The following ATRN variants were observed in gnomAD, a reference collection of about 807,000 sequenced individuals.
ATRN encodes the protein attractin.
In ATRN, 54 loss-of-function variants were observed where a neutral mutation model predicts 178.7. The ratio of observed to expected loss-of-function variants is 0.30; its 90% CI spans 0.24 to 0.38. The LOEUF is 0.38. Among genes scored for constraint, ATRN ranks in the 10% least tolerant of loss-of-function variants. The pLI is 1.00. For synonymous variants in ATRN, 636 were observed against 663.0 expected, an observed-to-expected ratio of 0.96 and a Z score of 0.63; for missense variants, 1,443 against 1,815.1, an observed-to-expected ratio of 0.79 and a Z score of 3.73.
At chr20:3,487,697 G>C (rs982904549) in intron 1 of ATRN, among the ~76,000 whole-genome samples, 62 of 152,136 alleles carry the variant, frequency 4.1e-4, no homozygotes, top group East Asian at 5.8e-4. Context: ...ATATCTTTGG[G>C]GGTATTCTGA....
At chr20:3,557,338 T>C (rs1057088286) in intron 6 of ATRN, among the ~76,000 whole-genome samples, 2 of 152,190 alleles carry the variant, frequency 1.3e-5, no homozygotes, top group African/African-American at 4.8e-5. Context: ...GGAAATAAGC[T>C]GGCCACAGAC....
chr20:3,540,439 C>A, intron 3 of ATRN, 104 bp downstream of exon 3: 2 of 707,182 alleles, frequency 2.8e-6, no homozygotes, highest in Middle Eastern at 2.5e-4. Flanking sequence ...TCACTTAACA[C>A]ATTTATTTAA....
At chr20:3,581,579 A>C (rs1011499797) in intron 15 of ATRN, among the ~76,000 whole-genome samples, 3 of 152,218 alleles carry the variant, frequency 2.0e-5, no homozygotes, top group Non-Finnish European at 4.4e-5. Context: ...AAGCATCCCT[A>C]ATCTGGAAAT....
chr20:3,491,973 A>G (rs886673474), intron 1 of ATRN, among the ~76,000 whole-genome samples: 4 of 152,050 alleles, frequency 2.6e-5, no homozygotes, highest in African/African-American at 7.2e-5. Context: ...TATCTTGCCC[A>G]TTGCCTTTTC....
chr20:3,540,306 A>G lies in ATRN; in HGVS notation c.579A>G (p.Ser193=), dbSNP rs1237700855. Residue 193 remains serine, a synonymous_variant, in exon 3 of 29, where the codon TCA becomes TCG. Transcript: ENST00000262919. ...ATTTATATGTTTATGATGGGGACTC[A>G]ATTTATGCACCGCTAGTTGCTGCAT... is the stretch of plus-strand genomic sequence containing the variant. ...WDHLYVYDGD[S]IYAPLVAAFS... is the part of the protein sequence containing the mutation. 1 of 1,609,390 alleles carries G rather than the reference A, an allele frequency of 6.2e-7. No homozygotes were observed. The highest frequency in any genetic ancestry group is 1.7e-5 in the Admixed American group (1 of 59,586).
At chr20:3,601,136 T>C (rs990874792) in intron 23 of ATRN, 112 bp downstream of exon 23, 1 of 856,082 alleles carries the variant, frequency 1.2e-6, no homozygotes, top group Non-Finnish European at 1.9e-6. Context: ...AAACCCACCC[T>C]TGCCACTTAC....
intron 25 of ATRN, among the ~76,000 whole-genome samples, chr20:3,624,796 C>CG (rs756171558): frequency 6.6e-6 from 1 of 152,264 alleles, no homozygotes; most frequent in South Asian, 2.1e-4. Flanking sequence ...TGGCTTCCAG[C>CG]GGGGGGCTTT....
chr20:3,619,883 T>C (rs545279020), intron 24 of ATRN, among the ~76,000 whole-genome samples: 6 of 152,316 alleles, frequency 3.9e-5, no homozygotes, highest in African/African-American at 1.4e-4. Flanking sequence ...CTCACTCTTG[T>C]GTGGCACAGG....
chr20:3,623,240 C>T (rs905388526), intron 24 of ATRN, among the ~76,000 whole-genome samples: 1 of 152,136 alleles, frequency 6.6e-6, no homozygotes, highest in Non-Finnish European at 1.5e-5. Flanking sequence ...CTTTCCTTCT[C>T]TCAAGGAGCT....
intron 25 of ATRN, among the ~76,000 whole-genome samples, chr20:3,630,916 C>CTTTTTTTTTTTT (rs368394749): frequency 1.4e-4 from 6 of 43,426 alleles, no homozygotes; most frequent in Admixed American, 6.6e-4. Flanking sequence ...ATTTATTTAG[C>CTTTTTTTTTTTT]TTTTTTTTTT....
chr20:3,581,704 G>A (rs1012197827), intron 15 of ATRN, among the ~76,000 whole-genome samples: 2 of 152,060 alleles, frequency 1.3e-5, no homozygotes, highest in East Asian at 1.9e-4. Flanking sequence ...TGTGTTTGGG[G>A]GTAGCCATCT....
At chr20:3,585,108 G>A (rs1045972302) in intron 18 of ATRN, among the ~76,000 whole-genome samples, 2 of 152,210 alleles carry the variant, frequency 1.3e-5, no homozygotes, top group African/African-American at 4.8e-5. Flanking sequence ...ATTGGCCTTT[G>A]ATTCAGACTT....
chr20:3,556,967 C>T (rs917827836), intron 6 of ATRN, among the ~76,000 whole-genome samples: 3 of 152,148 alleles, frequency 2.0e-5, no homozygotes, highest in Admixed American at 6.5e-5. Flanking sequence ...GGGCACTCTC[C>T]GTGCCCTTTA....
intron 21 of ATRN, 118 bp from the exon 22 acceptor site, chr20:3,597,788 C>G: frequency 1.6e-6 from 1 of 609,690 alleles, no homozygotes; most frequent in South Asian, 2.3e-5. Context: ...CTGGGTACAG[C>G]TGAGTTAAAG....
chr20:3,481,257 GCTTTT>G (rs904224023), intron 1 of ATRN, among the ~76,000 whole-genome samples: 27 of 151,872 alleles, frequency 1.8e-4, no homozygotes, highest in African/African-American at 6.5e-4. Context: ...CTCTTTAACT[GCTTTT>G]CTTTTATCAC....
At chr20:3,541,603 A>G (rs1333679372) in intron 3 of ATRN, among the ~76,000 whole-genome samples, 6 of 152,198 alleles carry the variant, frequency 3.9e-5, no homozygotes, top group South Asian at 2.1e-4. Flanking sequence ...TTGTAACCCA[A>G]TGGTAAGTAT....
At position 3,648,607 on chromosome 20, in the gene ATRN, A is replaced by G. The variant is rs2250106; in HGVS notation, c.*1760A>G. 67,624 of 152,220 alleles carry G rather than the reference A, an allele frequency of 0.44. 15,991 individuals carry two copies. The highest frequency in any genetic ancestry group is 0.61 in the African/African-American group (25,297 of 41,502). The allele number at this position is 152,220 out of a possible 1,614,324, so 9.4% of individuals were successfully genotyped here. A position where few individuals can be genotyped will look rare whatever the true frequency, so the allele number is the denominator to read the frequency against. On this transcript the variant is annotated 3_prime_UTR_variant, in exon 29 of 29. Coordinates refer to ENST00000262919, the MANE Select transcript of ATRN (RefSeq NM_139321.3). The stretch of plus-strand genomic sequence containing the variant: ...CTTCCCCAACACTAACCCCACTCCC[A>G]TGAAGAATTGCCTGGAAAGATGTTT...
intron 17 of ATRN, 66 bp from the exon 18 acceptor site, chr20:3,584,581 A>C: frequency 8.3e-7 from 1 of 1,202,390 alleles, no homozygotes. Flanking sequence ...TCTGTTAAAA[A>C]AAAAGTAAAT....
In ATRN at chr20:3,636,044, G is replaced by A. The variant is rs182505292; in HGVS notation, c.3942+1655G>A. 3.8e-3 allele frequency among the ~76,000 whole-genome samples: 575 copies of A among 152,304 alleles called. 3 individuals are homozygous for A. The highest frequency in any genetic ancestry group is 0.013 in the African/African-American group (537 of 41,562). ...TTTTGAGTGCTACTCTCTCCAAGAA[G>A]GACATTAGACCCAGGGAGTTTCAAG... On this transcript the variant is annotated intron_variant, in intron 26 of 28. Coordinates refer to ENST00000262919, the MANE Select transcript of ATRN (RefSeq NM_139321.3).
Sources: gnomAD v4.1 joint callset for allele counts (sites outside exome capture counted in the v4.1 genomes callset) on GRCh38, gnomAD v4.1.1 for gene constraint, MANE v1.5 for transcripts, NCBI Gene and HGNC (gene_info 2026-07-23, HGNC 2026-07-21) for gene names.